The following CAP2 variants were observed in gnomAD, a reference collection of about 807,000 sequenced individuals.
CAP2 encodes the protein cyclase associated actin cytoskeleton regulatory protein 2, also known as adenylyl cyclase-associated protein 2.
In CAP2, 24 loss-of-function variants were observed where a neutral mutation model predicts 57.7. The observed-to-expected ratio is 0.42, with a 90% confidence interval of 0.30 to 0.58. The LOEUF is 0.58. CAP2 is among the 20% of genes least tolerant of loss of function. The pLI is 0.22. For synonymous variants in CAP2, 194 were observed against 207.2 expected (o/e 0.94, Z 0.55); for missense variants, 501 against 590.3 (o/e 0.85, Z 1.57).
chr6:17,543,031 G>C, intron 10 of CAP2, 30 bp from the exon 11 acceptor site: 1 of 1,612,060 alleles, frequency 6.2e-7, no homozygotes, highest in South Asian at 1.1e-5. Context: ...TAGTGGAGTT[G>C]GTTTTTTGTT....
intron 7 of CAP2, among the ~76,000 whole-genome samples, chr6:17,532,748 A>AC (rs1453378595): frequency 7.0e-6 from 1 of 143,584 alleles, no homozygotes; most frequent in East Asian, 2.2e-4. Context: ...ACTAAAAAAA[A>AC]AAACACACAC....
At chr6:17,404,265 G>A (rs879361784) in intron 1 of CAP2, among the ~76,000 whole-genome samples, 45 of 152,166 alleles carry the variant, frequency 3.0e-4, no homozygotes, top group African/African-American at 9.4e-4. Context: ...GAGGTCAGGC[G>A]TTCGAGACCA....
chr6:17,415,703 G>A (rs1005654973), intron 1 of CAP2, among the ~76,000 whole-genome samples: 2 of 151,672 alleles, frequency 1.3e-5, no homozygotes, highest in Non-Finnish European at 1.5e-5. Context: ...CTTGGGAGGC[G>A]AGGTGTACAG....
At chr6:17,473,437 TAA>T (rs1295208873) in intron 4 of CAP2, among the ~76,000 whole-genome samples, 4 of 152,240 alleles carry the variant, frequency 2.6e-5, no homozygotes, top group Non-Finnish European at 5.9e-5. Flanking sequence ...CAATCTGATA[TAA>T]AAAGTGTAAG....
At chr6:17,396,563 A>G (rs1281144973) in intron 1 of CAP2, among the ~76,000 whole-genome samples, 2 of 152,234 alleles carry the variant, frequency 1.3e-5, no homozygotes, top group Admixed American at 6.5e-5. Context: ...CACGTACTGT[A>G]TGATCTATTC....
At chr6:17,528,935 G>A (rs951192768) in intron 7 of CAP2, among the ~76,000 whole-genome samples, 6 of 152,158 alleles carry the variant, frequency 3.9e-5, no homozygotes, top group Non-Finnish European at 8.8e-5. Context: ...AAGAAGTGGA[G>A]CCGGGTGCAG....
intron 4 of CAP2, among the ~76,000 whole-genome samples, chr6:17,478,265 G>C (rs1358178092): frequency 6.7e-6 from 1 of 148,986 alleles, no homozygotes; most frequent in African/African-American, 2.5e-5. Flanking sequence ...CTCTCGAGTA[G>C]CTGGGACCAC....
At chr6:17,412,524 C>T (rs1759164824) in intron 1 of CAP2, among the ~76,000 whole-genome samples, 2 of 152,136 alleles carry the variant, frequency 1.3e-5, no homozygotes, top group Admixed American at 6.5e-5. Flanking sequence ...CTCTAATCCC[C>T]AGAGTTCTTT....
chr6:17,536,299 T>A (rs1762772261), intron 7 of CAP2: 1 of 456,658 alleles, frequency 2.2e-6, no homozygotes, highest in Non-Finnish European at 4.4e-6. Flanking sequence ...GGAGATCCAG[T>A]GAAGGGAACA....
chr6:17,470,655 C>T (rs1760993855), intron 4 of CAP2, among the ~76,000 whole-genome samples: 1 of 152,222 alleles, frequency 6.6e-6, no homozygotes, highest in Non-Finnish European at 1.5e-5. Flanking sequence ...TGTCACCTCA[C>T]CTTCATTCAG....
Position 17,438,441 on chromosome 6 carries a change from T to TTTTG in CAP2, c.222+11754_222+11755insGTTT, listed in dbSNP as rs1259394356. Among the ~76,000 whole-genome samples the TTTTG allele has an allele frequency of 1.9e-4, 24 of 125,040 alleles. 2 individuals are homozygous for TTTTG. The highest frequency in any genetic ancestry group is 6.7e-4 in the Admixed American group (9 of 13,334). 82.0% of individuals were successfully genotyped at this position (125,040 alleles called of 152,430 possible). A position where few individuals can be genotyped will look rare whatever the true frequency, so the allele number is the denominator to read the frequency against. On this transcript the variant is annotated intron_variant, in intron 3 of 12. Coordinates refer to ENST00000229922, the MANE Select transcript of CAP2 (RefSeq NM_006366.3). ...TTTGACCATCCAGAAGTGTTTTTTT[T>TTTTG]TTTTTTTTTTTTTTTGAGACGGAAT... is the stretch of plus-strand genomic sequence containing the variant.
chr6:17,440,893 T>A (rs1483922279), intron 3 of CAP2, among the ~76,000 whole-genome samples: 2 of 151,240 alleles, frequency 1.3e-5, no homozygotes, highest in East Asian at 3.9e-4. Context: ...TTTGTTCAGT[T>A]CCCACCTATG....
chr6:17,493,859 G>A (rs1402890688), intron 4 of CAP2, among the ~76,000 whole-genome samples: 1 of 151,752 alleles, frequency 6.6e-6, no homozygotes, highest in Non-Finnish European at 1.5e-5. Flanking sequence ...CCTGGTTGAG[G>A]GCAGCCGAAA....
chr6:17,394,916 G>A (rs1758631666), intron 1 of CAP2, among the ~76,000 whole-genome samples: 1 of 152,182 alleles, frequency 6.6e-6, no homozygotes, highest in Admixed American at 6.5e-5. Context: ...AAAAGTGTGT[G>A]AAATAGTTAA....
At chr6:17,428,636 AG>A (rs71536729) in intron 3 of CAP2, among the ~76,000 whole-genome samples, 2 of 33,134 alleles carry the variant, frequency 6.0e-5, no homozygotes, top group South Asian at 1.1e-3. Context: ...GGATGGGGGG[AG>A]GGGGGAGGGA....
At chr6:17,444,881 A>G (rs925952620) in intron 3 of CAP2, among the ~76,000 whole-genome samples, 1 of 150,624 alleles carries the variant, frequency 6.6e-6, no homozygotes, top group African/African-American at 2.4e-5. Flanking sequence ...GTGACAGTTT[A>G]TCCAGTACCC....
intron 1 of CAP2, among the ~76,000 whole-genome samples, chr6:17,401,207 G>A (rs911544072): frequency 1.3e-5 from 2 of 152,200 alleles, no homozygotes; most frequent in Non-Finnish European, 2.9e-5. Context: ...GAGCACTCAT[G>A]AATGGATTAG....
At chr6:17,497,696 A>G (rs1052587661) in intron 4 of CAP2, among the ~76,000 whole-genome samples, 1 of 152,316 alleles carries the variant, frequency 6.6e-6, no homozygotes, top group South Asian at 2.1e-4. Flanking sequence ...AGGGAAATAC[A>G]CTAGAGCTTC....
chr6:17,397,173 C>A lies in CAP2; in HGVS notation c.-2+3427C>A, dbSNP rs1430056333. ...CTCTCAGGTTCAAGAGATGCTCCCG[C>A]CTCAGCCTCCTGAGTAGCTGGGATT... On this transcript the variant is annotated intron_variant, in intron 1 of 12. Coordinates refer to ENST00000229922, the MANE Select transcript of CAP2 (RefSeq NM_006366.3). Among the ~76,000 whole-genome samples the A allele has an allele frequency of 2.0e-5, 3 of 152,100 alleles. No homozygotes were observed. The East Asian group carries it at 5.9e-4, about 30-fold the overall frequency.
Sources: gnomAD v4.1 joint callset for allele counts (sites outside exome capture counted in the v4.1 genomes callset) on GRCh38, gnomAD v4.1.1 for gene constraint, MANE v1.5 for transcripts, NCBI Gene and HGNC (gene_info 2026-07-23, HGNC 2026-07-21) for gene names.